The following AREL1 variants were observed in gnomAD, a reference collection of about 807,000 sequenced individuals.
AREL1 encodes apoptosis resistant E3 ubiquitin protein ligase 1, also known as apoptosis-resistant E3 ubiquitin protein ligase 1.
Under a neutral mutation model 99.0 loss-of-function variants are expected in AREL1, and 62 were observed. The ratio of observed to expected loss-of-function variants is 0.63; its 90% CI spans 0.51 to 0.77. The LOEUF (loss-of-function observed/expected upper bound fraction) is 0.77. AREL1 is among the 30% of genes least tolerant of loss of function. The probability of loss-of-function intolerance (pLI) is 0.00; values close to 1 mark genes in which losing one functional copy is unlikely to be tolerated. For synonymous variants in AREL1, 380 were observed against 376.5 expected, an observed-to-expected ratio of 1.01 and a Z score of -0.11; for missense variants, 879 against 1,027.6, an observed-to-expected ratio of 0.86 and a Z score of 1.98.
At chr14:74,700,226 A>C (rs959537224) in intron 1 of AREL1, among the ~76,000 whole-genome samples, 1 of 152,230 alleles carries the variant, frequency 6.6e-6, no homozygotes, top group Non-Finnish European at 1.5e-5. Flanking sequence ...ATATTATCTC[A>C]TTTAACTCTC....
chr14:74,674,624 A>T (rs974167231), intron 8 of AREL1, among the ~76,000 whole-genome samples: 3 of 152,188 alleles, frequency 2.0e-5, no homozygotes, highest in African/African-American at 7.2e-5. Flanking sequence ...AAATAAAAAA[A>T]ATATGACTGA....
At chr14:74,689,428 C>T (rs1310857287) in intron 2 of AREL1, among the ~76,000 whole-genome samples, 1 of 151,926 alleles carries the variant, frequency 6.6e-6, no homozygotes, top group African/African-American at 2.4e-5. Flanking sequence ...CCTAGAATAT[C>T]CTCCTTCCTT....
chr14:74,709,170 C>T (rs1302562017), intron 1 of AREL1, among the ~76,000 whole-genome samples: 2 of 152,220 alleles, frequency 1.3e-5, no homozygotes, highest in African/African-American at 4.8e-5. Context: ...GGCACAGTGG[C>T]TCATGCCTCT....
rs2089669710 is a variant in AREL1, at chr14:74,683,147, GA to G, written c.481+148del. On this transcript the variant is annotated intron_variant, in intron 5 of 19. Coordinates refer to ENST00000356357, the MANE Select transcript of AREL1 (RefSeq NM_001039479.2). Reference sequence around the variant, plus strand: ...GACTGTGATGATGGCTGCATTTAAAGAACCATTAAACTGTATACTTTAAAAG... The same window carrying G: ...GACTGTGATGATGGCTGCATTTAAAGACCATTAAACTGTATACTTTAAAAG... 4.7e-6 allele frequency: 3 copies of G among 638,794 alleles called. No homozygotes were observed. The South Asian group carries it at 6.6e-5, about 14-fold the overall frequency. 39.6% of individuals were successfully genotyped at this position (638,794 alleles called of 1,614,324 possible). A position where few individuals can be genotyped will look rare whatever the true frequency, so the allele number is the denominator to read the frequency against.
chr14:74,670,708 A>T, intron 13 of AREL1, 54 bp downstream of exon 13: 1 of 1,470,994 alleles, frequency 6.8e-7, no homozygotes, highest in Non-Finnish European at 9.5e-7. Context: ...AATCCTTGTT[A>T]GTCTACCCAT....
Position 74,669,771 on chromosome 14 carries a change from A to G in AREL1, c.1792T>C (p.Phe598Leu). ...IIGLRMHYKYFETDDPEFYKS... is the reference protein window; with the variant it reads ...IIGLRMHYKYLETDDPEFYKS... ...TAGAATTCTGGGTCATCTGTTTCAA[A>G]GTACTGAGGAGGCAGAAAGACACAG... Residue 598 changes from phenylalanine (F) to leucine (L), a missense_variant, in exon 15 of 20, where the codon TTT (phenylalanine) becomes CTT (leucine). Physicochemically the swap from Phe to Leu is conservative, Grantham distance 22. Transcript: ENST00000356357. The G allele has an allele frequency of 1.9e-6, 3 of 1,614,180 alleles. No individual in the cohort carries two copies. The highest frequency in any genetic ancestry group is 2.5e-6 in the Non-Finnish European group (3 of 1,180,010).
chr14:74,669,724 G>T lies in AREL1; in HGVS notation c.1839C>A (p.Ile613=), dbSNP rs763059665. The change falls in exon 15 of 20, where the codon ATC becomes ATA. Residue 613 remains isoleucine, a synonymous_variant. Coordinates refer to ENST00000356357, the MANE Select transcript of AREL1 (RefSeq NM_001039479.2). ...PEFYKSKVCF[I]LNNDMSEMEL... ...CCATCTCACTCATGTCATTGTTGAG[G>T]ATAAAACAAACTTTAGATTTGTAGA... 2 of 1,614,104 alleles carry T rather than the reference G, an allele frequency of 1.2e-6. No individual in the cohort carries two copies. Among genetic ancestry groups the T allele is most frequent in the East Asian group, 2.2e-5 (1 of 44,872 alleles).
Position 74,663,526 on chromosome 14 carries a change from C to A in AREL1, c.*194G>T. On this transcript the variant is annotated 3_prime_UTR_variant, in exon 20 of 20. Coordinates refer to ENST00000356357, the MANE Select transcript of AREL1 (RefSeq NM_001039479.2). ...AGCTTACATACCATGCCAAAGTGGC[C>A]TGTGGTAGATATGGGCAGGGAGCAG... The A allele has an allele frequency of 1.6e-6, 1 of 620,736 alleles. No homozygotes were observed. Among genetic ancestry groups the A allele is most frequent in the South Asian group, 1.8e-5 (1 of 56,284 alleles). The allele number at this position is 620,736 out of a possible 1,614,324, so 38.5% of individuals were successfully genotyped here.
chr14:74,703,631 G>C (rs2090125091), intron 1 of AREL1, among the ~76,000 whole-genome samples: 1 of 152,138 alleles, frequency 6.6e-6, no homozygotes, highest in Non-Finnish European at 1.5e-5. Context: ...TAGCATAATG[G>C]TTCTTAGATT....
At chr14:74,701,440 G>A (rs990208683) in intron 1 of AREL1, among the ~76,000 whole-genome samples, 3 of 152,110 alleles carry the variant, frequency 2.0e-5, no homozygotes, top group African/African-American at 7.2e-5. Flanking sequence ...GAGAATGAGA[G>A]CCAAGCGAAA....
At chr14:74,694,027 A>G (rs2089933176) in intron 1 of AREL1, among the ~76,000 whole-genome samples, 1 of 152,012 alleles carries the variant, frequency 6.6e-6, no homozygotes, top group African/African-American at 2.4e-5. Context: ...AAATACAAAA[A>G]TTACCCAGAC....
At chr14:74,684,399 G>T in intron 4 of AREL1, 55 bp downstream of exon 4, 2 of 1,544,004 alleles carry the variant, frequency 1.3e-6, no homozygotes, top group Admixed American at 3.4e-5. Flanking sequence ...CTGGGCTCTG[G>T]AAAGCAAGTT....
intron 4 of AREL1, 21 bp downstream of exon 4, chr14:74,684,433 G>T: frequency 6.2e-7 from 1 of 1,610,804 alleles, no homozygotes; most frequent in East Asian, 2.2e-5. Context: ...AATGGGTATG[G>T]AGACAGAAAC....
intron 12 of AREL1, among the ~76,000 whole-genome samples, 156 bp from the exon 13 acceptor site, chr14:74,671,027 T>C (rs1412849307): frequency 1.3e-5 from 2 of 152,144 alleles, no homozygotes; most frequent in African/African-American, 4.8e-5. Context: ...CCTTTAGAAA[T>C]CCCACCCCTT....
At chr14:74,700,563 G>A (rs1318516331) in intron 1 of AREL1, among the ~76,000 whole-genome samples, 2 of 152,228 alleles carry the variant, frequency 1.3e-5, no homozygotes, top group Admixed American at 1.3e-4. Context: ...TGGATCACGA[G>A]TTCAGGAGAT....
chr14:74,677,537 C>T (rs1216661933), intron 5 of AREL1, among the ~76,000 whole-genome samples: 1 of 127,322 alleles, frequency 7.9e-6, no homozygotes, highest in Non-Finnish European at 1.6e-5. Flanking sequence ...GACAGAGTCA[C>T]GCTCTGTCAC....
intron 2 of AREL1, chr14:74,691,198 C>T (rs1167717309): frequency 2.0e-5 from 3 of 152,088 alleles, no homozygotes; most frequent in Non-Finnish European, 4.4e-5. Flanking sequence ...TGCACGCCTG[C>T]AGTCCCAGTT....
intron 18 of AREL1, among the ~76,000 whole-genome samples, chr14:74,664,337 C>T (rs1432048693): frequency 6.6e-6 from 1 of 152,048 alleles, no homozygotes; most frequent in East Asian, 1.9e-4. Context: ...CCTTAGGGAT[C>T]AGGGCTCCCT....
chr14:74,670,783 G>A lies in AREL1; in HGVS notation c.1587C>T (p.Phe529=), dbSNP rs375792805. ...FDTTNQLFTR[F]SDNNQALVHP... ...TCACTAATGCTTGGTTGTTGTCACTGAACCGGGTGAAGAGCTGATTGGTGG... is the reference window on the plus strand; with the variant it reads ...TCACTAATGCTTGGTTGTTGTCACTAAACCGGGTGAAGAGCTGATTGGTGG... The change falls in exon 13 of 20, where the codon TTC becomes TTT. Residue 529 remains phenylalanine, a synonymous_variant. Coordinates refer to ENST00000356357, the MANE Select transcript of AREL1 (RefSeq NM_001039479.2). 9 of 1,613,952 alleles carry A rather than the reference G, an allele frequency of 5.6e-6. No homozygotes were observed. In the African/African-American group the frequency reaches 1.2e-4, roughly 22 times the overall value.
Sources: allele counts gnomAD v4.1 joint callset (sites outside exome capture counted in the v4.1 genomes callset), GRCh38; gene constraint gnomAD v4.1.1; transcripts MANE v1.5; gene names NCBI Gene and HGNC (gene_info 2026-07-23, HGNC 2026-07-21).